The following CCDC187 variants were observed in gnomAD, a reference collection of about 807,000 sequenced individuals.
The protein encoded by CCDC187 is coiled-coil domain containing 187, also known as coiled-coil domain-containing protein 187.
In CCDC187, 32 loss-of-function variants were observed where a neutral mutation model predicts 38.0. That is an observed-to-expected ratio of 0.84 (90% confidence interval 0.64 to 1.13). CCDC187 has a LOEUF of 1.13. CCDC187 is among the 50% of genes most tolerant of loss of function. The pLI is 0.00. For missense variants in CCDC187, 707 were observed against 786.8 expected (o/e 0.90, Z 1.21); for synonymous variants, 333 against 347.9 (o/e 0.96, Z 0.48).
At chr9:136,268,745 A>T (rs72775724) in intron 14 of CCDC187, among the ~76,000 whole-genome samples, 17,120 of 152,098 alleles carry the variant, frequency 0.11, 1,231 homozygotes, top group Admixed American at 0.2. Flanking sequence ...ATATATATAT[A>T]TTTTTTCACA....
intron 4 of CCDC187, among the ~76,000 whole-genome samples, chr9:136,295,193 C>G (rs1467337524): frequency 6.6e-6 from 1 of 152,170 alleles, no homozygotes; most frequent in African/African-American, 2.4e-5. Context: ...GGAGGGGAGC[C>G]CCGGTGGGGT....
chr9:136,280,010 C>G (rs1020014355), intron 10 of CCDC187, among the ~76,000 whole-genome samples: 1,751 of 152,370 alleles, frequency 0.011, 25 homozygotes, highest in African/African-American at 0.039. Context: ...ACTTCCCAGA[C>G]TCCAGAACTG....
intron 14 of CCDC187, among the ~76,000 whole-genome samples, chr9:136,268,679 A>G (rs889720548): frequency 6.6e-6 from 1 of 152,232 alleles, no homozygotes; most frequent in African/African-American, 2.4e-5. Context: ...CAACTGAAAA[A>G]ATCACGTAAA....
chr9:136,260,093 G>T, intron 20 of CCDC187, 26 bp downstream of exon 20: 2 of 985,422 alleles, frequency 2.0e-6, no homozygotes, highest in South Asian at 9.4e-5. Context: ...GTCTGACCCT[G>T]GGCGGTCGCC....
At chr9:136,306,042 C>T (rs1283271882), upstream of CCDC187, among the ~76,000 whole-genome samples, 1 of 152,238 alleles carries the variant, frequency 6.6e-6, no homozygotes, top group Non-Finnish European at 1.5e-5. Context: ...TGCCCTGCCC[C>T]CAGGAGACTC....
rs1462051133 is a variant in CCDC187, at chr9:136,290,619, C to T, written c.1994G>A (p.Arg665Gln). Residue 665 changes from arginine (R) to glutamine (Q), a missense_variant, in exon 6 of 26, where the codon CGG becomes CAG. By Grantham distance (43) the Arg-to-Gln change is conservative (BLOSUM62 1). Coordinates refer to ENST00000638797, the MANE Select transcript of CCDC187 (RefSeq NM_001378188.1). ...CTGCAGCCTCCGGCTCCTCAGCTCC[C>T]GTGTGCGCAGGGCCGAGGCCTTCTC... ...LEEKASALRT[R>Q]ELRSRRLQEV... 6 of 398,536 alleles carry T rather than the reference C, an allele frequency of 1.5e-5. No homozygotes were observed. The highest frequency in any genetic ancestry group is 2.7e-5 in the Non-Finnish European group (6 of 226,118). 24.7% of individuals were successfully genotyped at this position (398,536 alleles called of 1,614,324 possible). A position where few individuals can be genotyped will look rare whatever the true frequency, so the allele number is the denominator to read the frequency against.
chr9:136,279,909 C>T (rs1831005822), intron 10 of CCDC187, among the ~76,000 whole-genome samples: 1 of 136,644 alleles, frequency 7.3e-6, no homozygotes, highest in African/African-American at 2.7e-5. Context: ...AGTCCCACCC[C>T]GTCGTCCTCT....
chr9:136,256,367 T>C lies in CCDC187; in HGVS notation c.4504-44A>G, dbSNP rs534107768. ...AATGACACTGTTGGGGTGTGGCCTC[T>C]GTCTCTGTCCACCTCCCGTAGCTGG... On this transcript the variant is annotated intron_variant, in intron 23 of 25. Transcript: ENST00000638797. The C allele has an allele frequency of 3.5e-5, 32 of 917,736 alleles. No homozygotes were observed. In the Admixed American group the frequency reaches 1.2e-3, roughly 36 times the overall value. The allele number at this position is 917,736 out of a possible 1,614,324, so 56.8% of individuals were successfully genotyped here.
Position 136,251,703 on chromosome 9 carries a change from T to G in CCDC187, c.*1891A>C, listed in dbSNP as rs915298081. 6.5e-6 allele frequency: 1 copy of G among 154,790 alleles called. No homozygotes were observed. The allele number at this position is 154,790 out of a possible 1,614,324, so 9.6% of individuals were successfully genotyped here. On this transcript the variant is annotated 3_prime_UTR_variant, in exon 26 of 26. Coordinates refer to ENST00000638797, the MANE Select transcript of CCDC187 (RefSeq NM_001378188.1). ...TCCTCGTTCCTGCTCTTGGCGACTC[T>G]GACTGTTCTTGCCTCTGGGCTGCAA...
chr9:136,285,251 A>G (rs908757671), intron 9 of CCDC187, among the ~76,000 whole-genome samples: 1 of 151,994 alleles, frequency 6.6e-6, no homozygotes, highest in Non-Finnish European at 1.5e-5. Context: ...GGCGTCCCCG[A>G]GGCCCGCAGC....
intron 5 of CCDC187, 57 bp from the exon 6 acceptor site, chr9:136,291,702 G>A: frequency 2.5e-6 from 1 of 398,662 alleles, no homozygotes; most frequent in Admixed American, 4.4e-5. Context: ...AGCAAAGCCA[G>A]CTCCTCCATC....
At chr9:136,293,972 ACATGCTCT>A (rs1269573256) in intron 4 of CCDC187, among the ~76,000 whole-genome samples, 6 of 109,022 alleles carry the variant, frequency 5.5e-5, no homozygotes, top group African/African-American at 2.3e-4. Context: ...ACATGCCCTC[ACATGCTCT>A]CACACACACA....
intron 17 of CCDC187, among the ~76,000 whole-genome samples, chr9:136,265,319 C>T (rs1158796363): frequency 6.6e-6 from 1 of 152,218 alleles, no homozygotes; most frequent in Non-Finnish European, 1.5e-5. Flanking sequence ...CTGCTTCCTC[C>T]AGTCCCTGGT....
At chr9:136,293,935 C>T (rs889879482) in intron 4 of CCDC187, among the ~76,000 whole-genome samples, 1 of 142,804 alleles carries the variant, frequency 7.0e-6, no homozygotes, top group Non-Finnish European at 1.6e-5. Context: ...CTCCCTCGTG[C>T]TCTCCCACAC....
At chr9:136,298,477 T>C (rs36195580) in intron 3 of CCDC187, among the ~76,000 whole-genome samples, 92,636 of 151,916 alleles carry the variant, frequency 0.61, 28,725 homozygotes, top group East Asian at 0.89. Flanking sequence ...CTTTCCCTGC[T>C]TCCGACTTCC....
upstream of CCDC187, among the ~76,000 whole-genome samples, chr9:136,305,073 C>T (rs886536294): frequency 3.9e-5 from 6 of 152,296 alleles, no homozygotes; most frequent in African/African-American, 1.4e-4. Context: ...GGCACAGCCA[C>T]GGGCATCCAG....
Position 136,287,319 on chromosome 9 carries a change from T to G in CCDC187, c.2223-624A>C, listed in dbSNP as rs1831205324. 9.8e-5 allele frequency among the ~76,000 whole-genome samples: 15 copies of G among 152,310 alleles called. No homozygotes were observed. In the South Asian group the frequency reaches 3.1e-3, roughly 32 times the overall value. ...TTTTGAATAAACATAGAAATGAGCCTGGCCGGTCTTAACATGTGAGAAAGT... is the reference window on the plus strand; with the variant it reads ...TTTTGAATAAACATAGAAATGAGCCGGGCCGGTCTTAACATGTGAGAAAGT... On this transcript the variant is annotated intron_variant, in intron 7 of 25. Transcript: ENST00000638797.
intron 4 of CCDC187, among the ~76,000 whole-genome samples, chr9:136,297,355 G>T (rs1831561485): frequency 6.6e-6 from 1 of 152,160 alleles, no homozygotes; most frequent in African/African-American, 2.4e-5. Flanking sequence ...AGCTGCCAGT[G>T]CATGCTACAG....
In CCDC187 at chr9:136,252,689, G is replaced by A. The variant is rs1157382742; in HGVS notation, c.*905C>T. 1 of 154,128 alleles carries A rather than the reference G, an allele frequency of 6.5e-6. No individual in the cohort carries two copies. Among genetic ancestry groups the A allele is most frequent in the Non-Finnish European group, 1.4e-5 (1 of 69,322 alleles). 9.5% of individuals were successfully genotyped at this position (154,128 alleles called of 1,614,324 possible). ...TTGTGGACGCCTGTGCACCTCTGTA[G>A]TTCCAGAAAACACTCCCTAGGGGCT... On this transcript the variant is annotated 3_prime_UTR_variant, in exon 26 of 26. Coordinates refer to ENST00000638797, the MANE Select transcript of CCDC187 (RefSeq NM_001378188.1).
Sources: allele counts gnomAD v4.1 joint callset (sites outside exome capture counted in the v4.1 genomes callset), GRCh38; gene constraint gnomAD v4.1.1; transcripts MANE v1.5; gene names NCBI Gene and HGNC (gene_info 2026-07-23, HGNC 2026-07-21).